YEATS2: variants seen among roughly 807,000 people sequenced by gnomAD.
YEATS2 encodes the protein YEATS domain containing 2.
In YEATS2, 77 loss-of-function variants were observed where a neutral mutation model predicts 163.2. That is an observed-to-expected ratio of 0.47 (90% CI 0.39 to 0.57). The LOEUF (loss-of-function observed/expected upper bound fraction) is 0.57, where lower values mean the gene tolerates loss of function less well. Among genes scored for constraint, YEATS2 ranks in the 20% least tolerant of loss-of-function variants. YEATS2 has a pLI of 0.00. For synonymous variants in YEATS2, 631 were observed against 645.1 expected, an observed-to-expected ratio of 0.98 and a Z score of 0.33; for missense variants, 1,549 against 1,729.8, an observed-to-expected ratio of 0.90 and a Z score of 1.85.
intron 21 of YEATS2, among the ~76,000 whole-genome samples, chr3:183,793,668 A>G (rs1288116579): frequency 7.6e-6 from 1 of 131,122 alleles, no homozygotes; most frequent in Non-Finnish European, 1.5e-5. Context: ...TCTGGAGTGC[A>G]GTGGAACAAT....
intron 11 of YEATS2, 56 bp from the exon 12 acceptor site, chr3:183,756,472 C>T (rs1401280025): frequency 1.4e-6 from 2 of 1,460,532 alleles, no homozygotes; most frequent in East Asian, 2.5e-5. Flanking sequence ...TCGACATCTT[C>T]TTACGTGAGT....
At chr3:183,789,883 T>G (rs1281253224) in intron 20 of YEATS2, among the ~76,000 whole-genome samples, 1 of 152,030 alleles carries the variant, frequency 6.6e-6, no homozygotes, top group Non-Finnish European at 1.5e-5. Context: ...ACACCAAACT[T>G]TATTCTTTTT....
chr3:183,791,243 C>G (rs1577201600), intron 21 of YEATS2, among the ~76,000 whole-genome samples: 2 of 152,300 alleles, frequency 1.3e-5, no homozygotes, highest in East Asian at 1.9e-4. Context: ...CCACGTTGCC[C>G]AGGCTGGTGT....
chr3:183,783,968 C>G (rs1723817995), intron 19 of YEATS2, among the ~76,000 whole-genome samples: 1 of 152,084 alleles, frequency 6.6e-6, no homozygotes, highest in African/African-American at 2.4e-5. Flanking sequence ...TCACAGTCAC[C>G]CAGGCTGGAG....
In YEATS2 at chr3:183,777,609, TC is replaced by T; in HGVS notation, c.2647del (p.Gln883LysfsTer17). On this transcript the variant is annotated frameshift_variant, in exon 19 of 31. Coordinates refer to ENST00000305135, the MANE Select transcript of YEATS2 (RefSeq NM_018023.5). LOFTEE classifies it high-confidence loss of function. ...SGKQLTTGSV[V>X]QGTLGVSTSS... The stretch of plus-strand genomic sequence containing the variant: ...AAACAACTCACCACTGGGTCAGTGG[TC>T]CAAGGAACACTGGGAGTCAGCACAT... 1 of 1,614,036 alleles carries T rather than the reference TC, an allele frequency of 6.2e-7. No individual in the cohort carries two copies. Among genetic ancestry groups the T allele is most frequent in the Non-Finnish European group, 8.5e-7 (1 of 1,180,006 alleles).
intron 18 of YEATS2, among the ~76,000 whole-genome samples, chr3:183,777,279 T>A (rs1010734153): frequency 1.3e-5 from 2 of 152,288 alleles, no homozygotes; most frequent in South Asian, 4.1e-4. Context: ...TTAAATCCAG[T>A]TTTGAGGACT....
At chr3:183,724,633 T>G in intron 6 of YEATS2, 102 bp downstream of exon 6, 1 of 793,690 alleles carries the variant, frequency 1.3e-6, no homozygotes, top group East Asian at 3.0e-5. Context: ...CAGGGATTCT[T>G]TTTCCCAAGC....
intron 1 of YEATS2, among the ~76,000 whole-genome samples, chr3:183,707,604 T>C (rs1320186459): frequency 6.6e-6 from 1 of 152,052 alleles, no homozygotes; most frequent in Non-Finnish European, 1.5e-5. Context: ...TATGAAATCA[T>C]TATCAGCATC....
chr3:183,734,759 T>G (rs970687255), intron 7 of YEATS2, among the ~76,000 whole-genome samples: 6 of 152,184 alleles, frequency 3.9e-5, no homozygotes, highest in Non-Finnish European at 7.3e-5. Context: ...ATTGGCCATA[T>G]GAATAAATTA....
At chr3:183,787,780 G>A (rs578071158) in intron 20 of YEATS2, among the ~76,000 whole-genome samples, 2 of 152,022 alleles carry the variant, frequency 1.3e-5, no homozygotes, top group Admixed American at 6.6e-5. Flanking sequence ...GGCGGATCAC[G>A]AGGTCAGGAG....
chr3:183,752,268 T>C lies in YEATS2; in HGVS notation c.1150+15T>C. The C allele has an allele frequency of 6.2e-7, 1 of 1,614,100 alleles. No individual in the cohort carries two copies. Among genetic ancestry groups the C allele is most frequent in the Non-Finnish European group, 8.5e-7 (1 of 1,179,952 alleles). On this transcript the variant is annotated intron_variant, in intron 10 of 30. Coordinates refer to ENST00000305135, the MANE Select transcript of YEATS2 (RefSeq NM_018023.5). ...TGTGGAGAAAGGTAATACAGCAGTT[T>C]TCCTTGCATAGCGTTGTTCTGAGGC...
At chr3:183,761,406 A>G (rs914494755) in intron 13 of YEATS2, 101 bp from the exon 14 acceptor site, 11 of 1,132,618 alleles carry the variant, frequency 9.7e-6, no homozygotes, top group Admixed American at 5.5e-5. Flanking sequence ...ATTTCTTTAT[A>G]TTGCTAGAGA....
chr3:183,761,665 A>G (rs12492845), intron 14 of YEATS2, 51 bp downstream of exon 14: 24,451 of 1,553,458 alleles, frequency 0.016, 253 homozygotes, highest in Non-Finnish European at 0.018. Context: ...TTTTTGTGGC[A>G]TGTTGGAGTT....
chr3:183,758,886 C>T lies in YEATS2; in HGVS notation c.1577C>T (p.Thr526Met), dbSNP rs373289746. 130 of 1,595,250 alleles carry T rather than the reference C, an allele frequency of 8.1e-5. No individual in the cohort carries two copies. Among genetic ancestry groups the T allele is most frequent in the Admixed American group, 1.5e-4 (8 of 54,846 alleles). ...STGSPTNKIS[T>M]ASQVSQGTGS... ...GGAAGTCCTACAAACAAGATCTCCA[C>T]GGCTTCTCAGGTCTCCCAAGGAACA... Residue 526 changes from threonine to methionine, a missense_variant, in exon 13 of 31, where the codon ACG becomes ATG. Physicochemically the swap from Thr to Met is moderately conservative, Grantham distance 81 (BLOSUM62 -1). Coordinates refer to ENST00000305135, the MANE Select transcript of YEATS2 (RefSeq NM_018023.5).
At chr3:183,762,340 T>G in intron 15 of YEATS2, 61 bp downstream of exon 15, 6 of 1,504,658 alleles carry the variant, frequency 4.0e-6, no homozygotes, top group Middle Eastern at 2.4e-4. Context: ...CCTAAATAAT[T>G]GACAAGTGCT....
Position 183,754,120 on chromosome 3 carries a change from A to T in YEATS2, c.1151-6A>T, listed in dbSNP as rs754316392. ...ACTTGCCGTTTGCCTCTTTCATCTC[A>T]AGCAGGATTCCCAGCTAGCACTGAA... On this transcript the variant is annotated splice_polypyrimidine_tract_variant and splice_region_variant and intron_variant, in intron 10 of 30. Coordinates refer to ENST00000305135, the MANE Select transcript of YEATS2 (RefSeq NM_018023.5). 7.1e-5 allele frequency: 109 copies of T among 1,541,516 alleles called. No individual in the cohort carries two copies. Among genetic ancestry groups the T allele is most frequent in the Non-Finnish European group, 9.5e-5 (108 of 1,135,780 alleles).
In YEATS2 at chr3:183,808,045, C is replaced by T. The variant is rs1193718150; in HGVS notation, c.4027C>T (p.Gln1343Ter). Residue 1343 changes from glutamine (Q) to a stop codon, truncating the protein, a stop_gained, in exon 29 of 31, where the codon CAG becomes TAG. Coordinates refer to ENST00000305135, the MANE Select transcript of YEATS2 (RefSeq NM_018023.5). LOFTEE classifies it high-confidence loss of function. ...GCTTTTCCAGATTGGGATCACCCTG[C>T]AGCCCGTGGCACTCCACAGGAACGT... ...DVTQKIGITL[Q>*]PVALHRNVYA... 6.4e-7 allele frequency: 1 copy of T among 1,562,528 alleles called. No individual in the cohort carries two copies. The highest frequency in any genetic ancestry group is 8.7e-7 in the Non-Finnish European group (1 of 1,152,640).
intron 4 of YEATS2, among the ~76,000 whole-genome samples, chr3:183,721,262 C>T (rs369452971): frequency 6.6e-6 from 1 of 152,124 alleles, no homozygotes; most frequent in Non-Finnish European, 1.5e-5. Flanking sequence ...CTTCTACCTC[C>T]TTTTTTCTCT....
At chr3:183,761,685 T>A in intron 14 of YEATS2, 71 bp downstream of exon 14, 1 of 1,361,106 alleles carries the variant, frequency 7.3e-7, no homozygotes, top group Non-Finnish European at 1.1e-6. Flanking sequence ...TCATTGCCAC[T>A]ACCCCTACAA....
Sources: allele counts gnomAD v4.1 joint callset (sites outside exome capture counted in the v4.1 genomes callset), GRCh38; gene constraint gnomAD v4.1.1; transcripts MANE v1.5; gene names NCBI Gene and HGNC (gene_info 2026-07-23, HGNC 2026-07-21).